The following LUZP2 variants were observed in gnomAD, a reference collection of about 807,000 sequenced individuals.
LUZP2 encodes the protein leucine zipper protein 2.
A neutral mutation model predicts 51.6 loss-of-function variants in LUZP2; 52 were observed. The observed-to-expected ratio is 1.01, with a 90% confidence interval of 0.81 to 1.27. The LOEUF (loss-of-function observed/expected upper bound fraction) is 1.27, where lower values mean the gene tolerates loss of function less well. Among genes scored for constraint, LUZP2 ranks in the 50% most tolerant of loss-of-function variants. The probability of loss-of-function intolerance (pLI) is 0.00; values close to 1 mark genes in which losing one functional copy is unlikely to be tolerated. For missense variants in LUZP2, 436 were observed against 395.4 expected, an observed-to-expected ratio of 1.10 and a Z score of -0.87; for synonymous variants, 154 against 137.3, an observed-to-expected ratio of 1.12 and a Z score of -0.85.
chr11:24,596,018 T>C (rs1228210427), intron 1 of LUZP2, among the ~76,000 whole-genome samples: 1 of 152,200 alleles, frequency 6.6e-6, no homozygotes, highest in Admixed American at 6.5e-5. Flanking sequence ...TACCTCCTCC[T>C]CTACATGCCA....
At chr11:24,933,710 A>G (rs1160304506) in intron 7 of LUZP2, among the ~76,000 whole-genome samples, 1 of 152,152 alleles carries the variant, frequency 6.6e-6, no homozygotes, top group Non-Finnish European at 1.5e-5. Context: ...TGGCTTGCAT[A>G]CTGTCATGCG....
chr11:25,065,749 G>A (rs1281459062), intron 10 of LUZP2, among the ~76,000 whole-genome samples: 1 of 151,962 alleles, frequency 6.6e-6, no homozygotes, highest in Non-Finnish European at 1.5e-5. Context: ...ATATCAGTGT[G>A]ACAAAACTTT....
chr11:24,768,971 A>G (rs1860297675), intron 5 of LUZP2, among the ~76,000 whole-genome samples: 1 of 152,248 alleles, frequency 6.6e-6, no homozygotes, highest in South Asian at 2.1e-4. Context: ...GCACTATCAC[A>G]ATAGCTAAGA....
At chr11:25,033,900 T>C (rs535633199) in intron 9 of LUZP2, among the ~76,000 whole-genome samples, 1 of 152,252 alleles carries the variant, frequency 6.6e-6, no homozygotes, top group Admixed American at 6.6e-5. Flanking sequence ...GGAGTACCTG[T>C]GTCTTTTTGG....
chr11:24,797,098 A>G (rs1197464910), intron 5 of LUZP2, among the ~76,000 whole-genome samples: 1 of 152,184 alleles, frequency 6.6e-6, no homozygotes, highest in Admixed American at 6.6e-5. Flanking sequence ...GGAGAAAGTA[A>G]GAGTACTAAA....
intron 10 of LUZP2, among the ~76,000 whole-genome samples, chr11:25,067,869 T>C (rs893608900): frequency 3.3e-5 from 5 of 152,054 alleles, no homozygotes; most frequent in South Asian, 2.1e-4. Flanking sequence ...TGCACACATA[T>C]GTTTATTGCA....
chr11:24,539,538 T>C (rs2133843059), intron 1 of LUZP2, among the ~76,000 whole-genome samples: 1 of 152,086 alleles, frequency 6.6e-6, no homozygotes, highest in East Asian at 1.9e-4. Context: ...CTTTTATAAA[T>C]ACTCTCCTCC....
intron 5 of LUZP2, among the ~76,000 whole-genome samples, chr11:24,785,584 T>C (rs567072030): frequency 4.6e-5 from 7 of 151,940 alleles, no homozygotes; most frequent in Non-Finnish European, 1.0e-4. Flanking sequence ...GAGTATGACA[T>C]TTCATTAGGA....
chr11:24,724,475 G>A (rs1180256480), intron 1 of LUZP2, among the ~76,000 whole-genome samples: 8 of 152,110 alleles, frequency 5.3e-5, no homozygotes. Context: ...GAGAGGCTGA[G>A]GTGGGAGGAT....
At chr11:24,611,000 CATG>C (rs1854099267) in intron 1 of LUZP2, among the ~76,000 whole-genome samples, 1 of 152,066 alleles carries the variant, frequency 6.6e-6, no homozygotes, top group East Asian at 1.9e-4. Context: ...GTTATACCTA[CATG>C]ATATGTTTTA....
At chr11:24,672,239 T>C (rs1856422263) in intron 1 of LUZP2, among the ~76,000 whole-genome samples, 1 of 152,156 alleles carries the variant, frequency 6.6e-6, no homozygotes, top group Non-Finnish European at 1.5e-5. Flanking sequence ...TTAGTTTCTT[T>C]GAGAGTAGTT....
intron 7 of LUZP2, among the ~76,000 whole-genome samples, chr11:24,929,078 T>C (rs181763951): frequency 8.5e-5 from 13 of 152,204 alleles, no homozygotes; most frequent in African/African-American, 2.9e-4. Flanking sequence ...TCAGTTATAA[T>C]ATATCCCCTT....
chr11:24,881,315 CAAAAAAA>C (rs3078893), intron 5 of LUZP2, among the ~76,000 whole-genome samples: 1 of 127,778 alleles, frequency 7.8e-6, no homozygotes, highest in Non-Finnish European at 1.7e-5. Flanking sequence ...GAGTAATTGC[CAAAAAAA>C]AAAAAAGAGA....
At chr11:24,642,165 G>A (rs1325211644) in intron 1 of LUZP2, among the ~76,000 whole-genome samples, 2 of 151,772 alleles carry the variant, frequency 1.3e-5, no homozygotes, top group Non-Finnish European at 2.9e-5. Flanking sequence ...TGGGATTACA[G>A]GTGTGAGCCA....
intron 1 of LUZP2, among the ~76,000 whole-genome samples, chr11:24,561,787 G>A (rs555588911): frequency 2.8e-5 from 4 of 142,432 alleles, no homozygotes; most frequent in Admixed American, 1.4e-4. Context: ...AAACCAGCAC[G>A]TTCTGCACAT....
intron 7 of LUZP2, among the ~76,000 whole-genome samples, chr11:24,967,102 C>G (rs1855606099): frequency 6.6e-6 from 1 of 151,702 alleles, no homozygotes; most frequent in Non-Finnish European, 1.5e-5. Flanking sequence ...ATGCCAACAA[C>G]ACACTGCTAT....
At chr11:24,762,934 A>G in intron 4 of LUZP2, 1 of 936,772 alleles carries the variant, frequency 1.1e-6, no homozygotes. Context: ...TTCTTTTTTT[A>G]AAGAACCACA....
At chr11:25,032,412 G>A (rs1857716176) in intron 9 of LUZP2, among the ~76,000 whole-genome samples, 1 of 151,812 alleles carries the variant, frequency 6.6e-6, no homozygotes, top group African/African-American at 2.4e-5. Context: ...TTTTTTTCCT[G>A]CAAAAATGGG....
chr11:24,840,389 T>C (rs1358187079), intron 5 of LUZP2, among the ~76,000 whole-genome samples: 1 of 151,842 alleles, frequency 6.6e-6, no homozygotes, highest in African/African-American at 2.4e-5. Flanking sequence ...TATAATCTCT[T>C]ATTTTGATCT....
Sources: allele counts gnomAD v4.1 joint callset (sites outside exome capture counted in the v4.1 genomes callset), GRCh38; gene constraint gnomAD v4.1.1; transcripts MANE v1.5; gene names NCBI Gene and HGNC (gene_info 2026-07-23, HGNC 2026-07-21).